Variants in CNIH3 observed in about 807,000 individuals in gnomAD.
The protein encoded by CNIH3 is cornichon family AMPA receptor auxiliary protein 3.
A neutral mutation model predicts 24.1 loss-of-function variants in CNIH3; 14 were observed. The observed-to-expected ratio is 0.58, with a 90% CI of 0.38 to 0.91. The LOEUF is 0.91. Ranked by LOEUF, CNIH3 falls within the 40% of genes least tolerant of loss-of-function variation. CNIH3 has a pLI of 0.00. For missense variants in CNIH3, 178 were observed against 196.8 expected, an observed-to-expected ratio of 0.90 and a Z score of 0.57; for synonymous variants, 68 against 73.8, an observed-to-expected ratio of 0.92 and a Z score of 0.40.
At chr1:224,515,371 A>G (rs1678337870), upstream of CNIH3, among the ~76,000 whole-genome samples, 1 of 152,254 alleles carries the variant, frequency 6.6e-6, no homozygotes, top group South Asian at 2.1e-4. Context: ...GGAAAGCAGT[A>G]TTTTAAAATG....
At chr1:224,473,362 C>G (rs1283687200) in intron 1 of CNIH3, among the ~76,000 whole-genome samples, 1 of 152,000 alleles carries the variant, frequency 6.6e-6, no homozygotes, top group Non-Finnish European at 1.5e-5. Context: ...CGACTACACT[C>G]AACAATCAAA....
chr1:224,539,239 G>A (rs1021718022), downstream of CNIH3, among the ~76,000 whole-genome samples: 1 of 152,042 alleles, frequency 6.6e-6, no homozygotes. Context: ...GCTTTCATTT[G>A]GGCCAGAAGC....
intron 1 of CNIH3, among the ~76,000 whole-genome samples, chr1:224,462,490 C>T (rs927699869): frequency 2.6e-5 from 4 of 152,056 alleles, no homozygotes; most frequent in Admixed American, 6.6e-5. Flanking sequence ...CCCACCACCA[C>T]GCCTGGCTAA....
At chr1:224,620,868 GA>G (rs934365133) in intron 1 of CNIH3, among the ~76,000 whole-genome samples, 3 of 151,676 alleles carry the variant, frequency 2.0e-5, no homozygotes, top group Non-Finnish European at 4.4e-5. Context: ...CGTTTAGAAG[GA>G]AAAAAAAGCG....
intron 1 of CNIH3, among the ~76,000 whole-genome samples, chr1:224,441,588 A>C (rs1674917681): frequency 6.6e-6 from 1 of 152,252 alleles, no homozygotes; most frequent in Non-Finnish European, 1.5e-5. Context: ...ACAATAATCA[A>C]TGGTAAAACA....
chr1:224,607,329 T>C (rs182720682), intron 3 of CNIH3, among the ~76,000 whole-genome samples: 1 of 152,304 alleles, frequency 6.6e-6, no homozygotes, highest in East Asian at 1.9e-4. Context: ...TCTGTGGTCC[T>C]TGCCTTTCCC....
intron 1 of CNIH3, among the ~76,000 whole-genome samples, chr1:224,671,413 C>T (rs927754467): frequency 3.9e-4 from 60 of 152,334 alleles, no homozygotes; most frequent in African/African-American, 1.2e-3. Flanking sequence ...CCTGCTGTGT[C>T]CTGCCCTGCA....
intron 3 of CNIH3, among the ~76,000 whole-genome samples, chr1:224,547,152 T>C (rs960171943): frequency 2.0e-5 from 3 of 152,210 alleles, no homozygotes; most frequent in Non-Finnish European, 2.9e-5. Flanking sequence ...CTCTGGCAAT[T>C]TGGCAGATGA....
intron 3 of CNIH3, among the ~76,000 whole-genome samples, chr1:224,716,279 A>T (rs985878953): frequency 2.6e-5 from 4 of 151,958 alleles, no homozygotes; most frequent in Non-Finnish European, 5.9e-5. Flanking sequence ...CAGACTCCAA[A>T]CTCTCACCAT....
chr1:224,556,083 T>C lies in CNIH3; in HGVS notation n.450+9144T>C, dbSNP rs78681309. On this transcript the variant is annotated intron_variant and non_coding_transcript_variant, in intron 3 of 5. Coordinates refer to the CNIH3 transcript ENST00000471578. ...GATGTTGTCTCAAAGTGCTCTCATTTACTTGTTTCAATTCTTTGCCTGCAG... is the reference window on the plus strand; with the variant it reads ...GATGTTGTCTCAAAGTGCTCTCATTCACTTGTTTCAATTCTTTGCCTGCAG... 2.2e-4 allele frequency among the ~76,000 whole-genome samples: 34 copies of C among 152,364 alleles called. No homozygotes were observed. The East Asian group carries it at 5.8e-3, about 26-fold the overall frequency.
chr1:224,537,692 T>A (rs1446518714), downstream of CNIH3: 2 of 152,266 alleles, frequency 1.3e-5, no homozygotes, highest in Non-Finnish European at 1.5e-5. Context: ...GAGACCTGTC[T>A]CAGATACTTT....
intron 4 of CNIH3, among the ~76,000 whole-genome samples, chr1:224,568,029 A>C (rs182332712): frequency 4.6e-4 from 70 of 152,016 alleles, no homozygotes; most frequent in African/African-American, 4.6e-4. Context: ...CGGTGGCTCA[A>C]GCCTGTAATC....
intron 1 of CNIH3, among the ~76,000 whole-genome samples, chr1:224,501,620 G>T (rs1030992278): frequency 2.0e-5 from 3 of 147,680 alleles, no homozygotes; most frequent in African/African-American, 7.5e-5. Flanking sequence ...TCGCTCTGTC[G>T]CCCAGGCTGG....
At chr1:224,661,274 TC>T in intron 1 of CNIH3, 1 of 305,740 alleles carries the variant, frequency 3.3e-6, no homozygotes, top group Non-Finnish European at 6.7e-6. Context: ...TTCTTGACAA[TC>T]CTTTTTTTAG....
chr1:224,679,596 A>C (rs367986277), intron 1 of CNIH3, among the ~76,000 whole-genome samples: 1 of 152,250 alleles, frequency 6.6e-6, no homozygotes, highest in East Asian at 1.9e-4. Flanking sequence ...GTTTAAGTAC[A>C]GGCTGGATAA....
intron 5 of CNIH3, among the ~76,000 whole-genome samples, chr1:224,583,544 T>G (rs1681366716): frequency 1.3e-5 from 2 of 152,186 alleles, no homozygotes; most frequent in Non-Finnish European, 2.9e-5. Flanking sequence ...TTAGGGAAGA[T>G]AACAAGAGGA....
intron 1 of CNIH3, among the ~76,000 whole-genome samples, chr1:224,641,579 A>T (rs1420082741): frequency 6.6e-6 from 1 of 152,172 alleles, no homozygotes; most frequent in Non-Finnish European, 1.5e-5. Flanking sequence ...CCCTGGGACA[A>T]ATCAACATCC....
At chr1:224,573,506 C>T (rs1030926643) in intron 4 of CNIH3, among the ~76,000 whole-genome samples, 7 of 152,280 alleles carry the variant, frequency 4.6e-5, no homozygotes, top group Admixed American at 3.9e-4. Flanking sequence ...AAGTTATTGA[C>T]ACTTAGCTTA....
intron 3 of CNIH3, among the ~76,000 whole-genome samples, chr1:224,608,361 C>T (rs192246483): frequency 6.6e-6 from 1 of 152,116 alleles, no homozygotes; most frequent in Non-Finnish European, 1.5e-5. Context: ...TTTATTCGGC[C>T]GGGAGTGTTG....
Sources: gnomAD v4.1 joint callset for allele counts (sites outside exome capture counted in the v4.1 genomes callset) on GRCh38, gnomAD v4.1.1 for gene constraint, MANE v1.5 for transcripts, NCBI Gene and HGNC (gene_info 2026-07-23, HGNC 2026-07-21) for gene names.